The following TRIM33 variants were observed in gnomAD, a reference collection of about 807,000 sequenced individuals.
TRIM33 encodes the protein E3 ubiquitin-protein ligase TRIM33.
A neutral mutation model predicts 125.4 loss-of-function variants in TRIM33; 20 were observed. The ratio of observed to expected loss-of-function variants is 0.16; its 90% CI spans 0.11 to 0.23. The LOEUF (loss-of-function observed/expected upper bound fraction) is 0.23. Among genes scored for constraint, TRIM33 ranks in the 10% least tolerant of loss-of-function variants. TRIM33 has a pLI of 1.00. For synonymous variants in TRIM33, 564 were observed against 513.9 expected (o/e 1.10, Z -1.32); for missense variants, 920 against 1,411.4 (o/e 0.65, Z 5.58).
intron 11 of TRIM33, among the ~76,000 whole-genome samples, chr1:114,413,049 T>C (rs895062657): frequency 3.3e-5 from 5 of 152,250 alleles, no homozygotes; most frequent in Admixed American, 6.5e-5. Flanking sequence ...TTAGCCATCC[T>C]AATAAGTATG....
intron 5 of TRIM33, among the ~76,000 whole-genome samples, chr1:114,432,552 T>C (rs1572048328): frequency 6.6e-6 from 1 of 152,244 alleles, no homozygotes; most frequent in African/African-American, 2.4e-5. Context: ...TTTGGGAGGC[T>C]GAGGCAGGCG....
intron 9 of TRIM33, among the ~76,000 whole-genome samples, chr1:114,425,197 G>C (rs1030117339): frequency 2.0e-5 from 3 of 152,148 alleles, no homozygotes; most frequent in African/African-American, 7.2e-5. Flanking sequence ...GATTTGATGT[G>C]AAAGGATGAG....
At chr1:114,463,334 A>G (rs1415213719) in intron 3 of TRIM33, 78 bp downstream of exon 3, 18 of 1,554,614 alleles carry the variant, frequency 1.2e-5, no homozygotes, top group Non-Finnish European at 1.6e-5. Context: ...TTTATAAAGA[A>G]TAAGTAGAAA....
At chr1:114,459,583 G>A (rs958100707) in intron 4 of TRIM33, among the ~76,000 whole-genome samples, 5 of 152,206 alleles carry the variant, frequency 3.3e-5, no homozygotes, top group South Asian at 2.1e-4. Flanking sequence ...CAGCCTGGGC[G>A]ACATAGCAAG....
chr1:114,510,384 G>C (rs938746103), intron 1 of TRIM33, among the ~76,000 whole-genome samples, 167 bp downstream of exon 1: 1 of 152,018 alleles, frequency 6.6e-6, no homozygotes, highest in Non-Finnish European at 1.5e-5. Flanking sequence ...TATCTCTTGC[G>C]GTCCAGCTTC....
chr1:114,394,003 A>AG lies in TRIM33; in HGVS notation c.*3644dup, dbSNP rs1024186015. The AG allele has an allele frequency of 8.9e-6, 2 of 225,920 alleles. No homozygotes were observed. The highest frequency in any genetic ancestry group is 4.5e-5 in the African/African-American group (2 of 44,926). The allele number at this position is 225,920 out of a possible 1,614,324, so 14.0% of individuals were successfully genotyped here. Reference sequence around the variant, plus strand: ...TTTATCAAGGAGGAGATTAACTGTGAGGGAAAAAAAATTAAATATCCAGGT... The same window carrying AG: ...TTTATCAAGGAGGAGATTAACTGTGAGGGGAAAAAAAATTAAATATCCAGGT... On this transcript the variant is annotated 3_prime_UTR_variant, in exon 20 of 20. Coordinates refer to ENST00000358465, the MANE Select transcript of TRIM33 (RefSeq NM_015906.4).
chr1:114,455,139 T>G (rs967960168), intron 4 of TRIM33, among the ~76,000 whole-genome samples: 5 of 152,106 alleles, frequency 3.3e-5, no homozygotes, highest in Admixed American at 6.6e-5. Context: ...AGGCTATACA[T>G]GATCCAGACA....
At chr1:114,454,834 A>G (rs1353378966) in intron 4 of TRIM33, among the ~76,000 whole-genome samples, 1 of 152,148 alleles carries the variant, frequency 6.6e-6, no homozygotes, top group African/African-American at 2.4e-5. Flanking sequence ...GGTCACTCCA[A>G]AAGGAAAAAT....
intron 11 of TRIM33, chr1:114,420,241 A>G (rs1191620868): frequency 2.3e-6 from 1 of 429,734 alleles, no homozygotes; most frequent in African/African-American, 2.0e-5. Flanking sequence ...TTCACATTCC[A>G]TCTACTCCTG....
intron 4 of TRIM33, among the ~76,000 whole-genome samples, chr1:114,438,076 G>A (rs1648416599): frequency 6.6e-6 from 1 of 152,114 alleles, no homozygotes; most frequent in Non-Finnish European, 1.5e-5. Context: ...ATACATGGAT[G>A]GGTGTTTTTT....
At position 114,510,850 on chromosome 1, in the gene TRIM33, T is replaced by G. The variant is rs374161587; in HGVS notation, c.227A>C (p.Gln76Pro). Residue 76 changes from glutamine to proline, a missense_variant, in exon 1 of 20, where the codon CAG becomes CCG. Physicochemically the swap from Gln to Pro is moderately conservative, Grantham distance 76 (BLOSUM62 -1). This residue lies in a region of TRIM33 where 233 missense variants were observed against 189.6 expected (regional missense o/e 1.23). Transcript: ENST00000358465. ...GVAAASSGSA[Q>P]AASSPAASVG... ...TGAGGCCGCAGGAGATGAAGCAGCC[T>G]GGGCCGAGCCCGAGGAGGCCGCGGC... is the stretch of plus-strand genomic sequence containing the variant. 233 of 1,490,524 alleles carry G rather than the reference T, an allele frequency of 1.6e-4. 3 individuals carry two copies. In the East Asian group the frequency reaches 2.4e-3, roughly 15 times the overall value. The allele number at this position is 1,490,524 out of a possible 1,614,324, so 92.3% of individuals were successfully genotyped here. A position where few individuals can be genotyped will look rare whatever the true frequency, so the allele number is the denominator to read the frequency against.
rs1651398982 is a variant in TRIM33 at position 114,393,677 on chromosome 1, A to T, written c.*3971T>A. On this transcript the variant is annotated 3_prime_UTR_variant, in exon 20 of 20. Transcript: ENST00000358465. ...TTGACCAAGTAAAAGAAACCATTAT[A>T]TTCAAGAGTACGTGTTGAATCTGAA... is the stretch of plus-strand genomic sequence containing the variant. 1 of 214,750 alleles carries T rather than the reference A, an allele frequency of 4.7e-6. No individual in the cohort carries two copies. Among genetic ancestry groups the T allele is most frequent in the Non-Finnish European group, 9.4e-6 (1 of 106,132 alleles). The allele number at this position is 214,750 out of a possible 1,614,324, so 13.3% of individuals were successfully genotyped here. A position where few individuals can be genotyped will look rare whatever the true frequency, so the allele number is the denominator to read the frequency against.
chr1:114,491,088 A>G (rs999458625), intron 1 of TRIM33, among the ~76,000 whole-genome samples: 2 of 152,196 alleles, frequency 1.3e-5, no homozygotes, highest in African/African-American at 4.8e-5. Flanking sequence ...AAAATTGATT[A>G]TGGTGATGGT....
intron 1 of TRIM33, among the ~76,000 whole-genome samples, chr1:114,510,001 A>T (rs1653240960): frequency 6.6e-6 from 1 of 151,804 alleles, no homozygotes; most frequent in African/African-American, 2.4e-5. Context: ...CTCTTTCCCC[A>T]TGTCATCTTA....
Position 114,399,522 on chromosome 1 carries a change from G to C in TRIM33, c.3055C>G (p.Gln1019Glu). Residue 1019 changes from glutamine (Q) to glutamate (E), a missense_variant, in exon 18 of 20, where the codon CAA (glutamine) becomes GAA (glutamate). Physicochemically the swap from Gln to Glu is conservative, Grantham distance 29. Transcript: ENST00000358465. ...KLQKKHSQHY[Q>E]IPDDFVADVR... ...TCGGCCACAAAGTCATCCGGGATTT[G>C]GTAGTGTTGGGAATGTTTTTTCTGA... 6.2e-7 allele frequency: 1 copy of C among 1,613,324 alleles called. No individual in the cohort carries two copies. Among genetic ancestry groups the C allele is most frequent in the Non-Finnish European group, 8.5e-7 (1 of 1,179,548 alleles).
At chr1:114,495,159 C>T (rs572101237) in intron 1 of TRIM33, among the ~76,000 whole-genome samples, 2 of 152,150 alleles carry the variant, frequency 1.3e-5, no homozygotes, top group Non-Finnish European at 2.9e-5. Context: ...AAGTGGTTCG[C>T]TCATCTCGGC....
intron 4 of TRIM33, among the ~76,000 whole-genome samples, chr1:114,437,839 T>C (rs1210383903): frequency 6.6e-6 from 1 of 152,220 alleles, no homozygotes; most frequent in African/African-American, 2.4e-5. Flanking sequence ...TGCTTAGCTT[T>C]TTTAAATTAT....
At chr1:114,402,697 A>G (rs975612276) in intron 16 of TRIM33, 63 bp downstream of exon 16, 33 of 1,534,724 alleles carry the variant, frequency 2.2e-5, no homozygotes, top group African/African-American at 5.6e-5. Context: ...GGAAAAAAAA[A>G]GGTGTATATA....
At position 114,408,719 on chromosome 1, in the gene TRIM33, G is replaced by T; in HGVS notation, c.2216C>A (p.Pro739His). 6.2e-7 allele frequency: 1 copy of T among 1,603,198 alleles called. No individual in the cohort carries two copies. The highest frequency in any genetic ancestry group is 2.0e-4 in the Middle Eastern group (1 of 4,886). The change falls in exon 13 of 20, where the codon CCT becomes CAT. Residue 739 changes from proline (P) to histidine (H), a missense_variant. This residue lies in a region of TRIM33 where 407 missense variants were observed against 589.7 expected (regional missense o/e 0.69). Coordinates refer to ENST00000358465, the MANE Select transcript of TRIM33 (RefSeq NM_015906.4). ...GSSGLSNSHT[P>H]VRPPSTSSTG... ...ACTAGAAGTACTTGGGGGTCTCACAGGTGTGTGAGAATTGGATAAACCTAA... is the reference window on the plus strand; with the variant it reads ...ACTAGAAGTACTTGGGGGTCTCACATGTGTGTGAGAATTGGATAAACCTAA...
Sources: gnomAD v4.1 joint callset for allele counts (sites outside exome capture counted in the v4.1 genomes callset) on GRCh38, gnomAD v4.1.1 for gene constraint, gnomAD v4.1.1 regional missense constraint, MANE v1.5 for transcripts, NCBI Gene and HGNC (gene_info 2026-07-23, HGNC 2026-07-21) for gene names.